The following SOCS6 variants were observed in gnomAD, a reference collection of about 807,000 sequenced individuals.
SOCS6 encodes the protein suppressor of cytokine signaling 6.
A neutral mutation model predicts 27.7 loss-of-function variants in SOCS6; 5 were observed. That is an observed-to-expected ratio of 0.18 (90% CI 0.09 to 0.38). The LOEUF is 0.38. SOCS6 is among the 10% of genes least tolerant of loss of function. SOCS6 has a pLI of 1.00. For missense variants in SOCS6, 595 were observed against 688.1 expected (o/e 0.86, Z 1.51); for synonymous variants, 271 against 260.0 (o/e 1.04, Z -0.41).
intron 1 of SOCS6, among the ~76,000 whole-genome samples, chr18:70,307,549 G>C (rs576220767): frequency 1.3e-5 from 2 of 152,218 alleles, no homozygotes; most frequent in South Asian, 4.1e-4. Flanking sequence ...TAGATTCTCT[G>C]TTTCCTTTTG....
rs1356818802 is a variant in SOCS6, at chr18:70,325,736, A to G, written c.1068A>G (p.Arg356=). 6.2e-7 allele frequency: 1 copy of G among 1,614,210 alleles called. No individual in the cohort carries two copies. Among genetic ancestry groups the G allele is most frequent in the East Asian group, 2.2e-5 (1 of 44,878 alleles). The stretch of plus-strand genomic sequence containing the variant: ...CGAACTCTGCTCCTGGGGTTGCAAG[A>G]GTTTATGACTCAGTGCAAAGTAGTG... ...FDPNSAPGVA[R]VYDSVQSSGP... is the part of the protein sequence containing the mutation. Residue 356 remains arginine, a synonymous_variant, in exon 2 of 2, where the codon AGA becomes AGG. Coordinates refer to ENST00000397942, the MANE Select transcript of SOCS6 (RefSeq NM_004232.4). The surrounding 1 kb of genome is among the most constrained non-coding windows in gnomAD (Gnocchi z 6.3).
chr18:70,308,546 G>T (rs547785091), intron 1 of SOCS6, among the ~76,000 whole-genome samples: 2 of 152,028 alleles, frequency 1.3e-5, no homozygotes, highest in African/African-American at 4.8e-5. Context: ...TGGTCTATCC[G>T]GAAAAATGAA....
intron 1 of SOCS6, among the ~76,000 whole-genome samples, chr18:70,317,773 C>T (rs913379633): frequency 6.6e-6 from 1 of 151,948 alleles, no homozygotes; most frequent in African/African-American, 2.4e-5. Context: ...TCCAGTTTTC[C>T]GTAGTGGTTC....
intron 1 of SOCS6, among the ~76,000 whole-genome samples, chr18:70,297,221 G>C (rs67569563): frequency 0.085 from 12,841 of 151,916 alleles, 607 homozygotes; most frequent in Middle Eastern, 0.18. Flanking sequence ...TTAGATTTTG[G>C]TTTACTCCAG....
At chr18:70,300,188 A>T (rs1026218584) in intron 1 of SOCS6, among the ~76,000 whole-genome samples, 3 of 151,830 alleles carry the variant, frequency 2.0e-5, no homozygotes, top group African/African-American at 7.3e-5. Context: ...GTGCAGTGGC[A>T]TGATCTTGAC....
chr18:70,307,363 A>C (rs922899617), intron 1 of SOCS6, among the ~76,000 whole-genome samples: 9 of 152,250 alleles, frequency 5.9e-5, no homozygotes, highest in African/African-American at 2.2e-4. Context: ...TACTGGCCTC[A>C]CAGAATGGCT....
At chr18:70,308,430 C>T (rs992324533) in intron 1 of SOCS6, among the ~76,000 whole-genome samples, 1 of 151,570 alleles carries the variant, frequency 6.6e-6, no homozygotes, top group Non-Finnish European at 1.5e-5. Flanking sequence ...CTATGCTGTC[C>T]AGGCTGGTTT....
chr18:70,323,860 C>T (rs2231551), intron 1 of SOCS6, among the ~76,000 whole-genome samples: 2,307 of 152,228 alleles, frequency 0.015, 58 homozygotes, highest in African/African-American at 0.052. Flanking sequence ...TGGCAGGCAG[C>T]GGAGGAGCAG....
In SOCS6 at chr18:70,329,981, G is replaced by A. The variant is rs1051976977; in HGVS notation, c.*3705G>A. ...AATTAATACTTGCAATTCAGATTGCGGTAGTTTACACTTTTTCTGTATGTT... is the reference window on the plus strand; with the variant it reads ...AATTAATACTTGCAATTCAGATTGCAGTAGTTTACACTTTTTCTGTATGTT... On this transcript the variant is annotated 3_prime_UTR_variant, in exon 2 of 2. Transcript: ENST00000397942. 6.0e-6 allele frequency: 1 copy of A among 166,964 alleles called. No homozygotes were observed. The highest frequency in any genetic ancestry group is 1.5e-5 in the Non-Finnish European group (1 of 68,090). 10.3% of individuals were successfully genotyped at this position (166,964 alleles called of 1,614,324 possible).
chr18:70,289,392 C>T (rs1426850083), intron 1 of SOCS6, among the ~76,000 whole-genome samples: 1 of 147,790 alleles, frequency 6.8e-6, no homozygotes, highest in African/African-American at 2.4e-5. Flanking sequence ...GCGGCGGCCC[C>T]TGAAGGGCCG....
chr18:70,324,656 G>A lies in SOCS6; in HGVS notation c.-13G>A. The A allele has an allele frequency of 6.6e-7, 1 of 1,513,432 alleles. No individual in the cohort carries two copies. Among genetic ancestry groups the A allele is most frequent in the Non-Finnish European group, 9.0e-7 (1 of 1,107,740 alleles). The allele number at this position is 1,513,432 out of a possible 1,614,324, so 93.8% of individuals were successfully genotyped here. On this transcript the variant is annotated 5_prime_UTR_variant, in exon 2 of 2. Transcript: ENST00000397942. Reference sequence around the variant, plus strand: ...TAGAAATATTGATCCCTTGGATTAGGTAACTAGTCATAATGAAGAAAATTA... The same window carrying A: ...TAGAAATATTGATCCCTTGGATTAGATAACTAGTCATAATGAAGAAAATTA...
At chr18:70,317,879 C>T (rs1226799671) in intron 1 of SOCS6, among the ~76,000 whole-genome samples, 3 of 152,162 alleles carry the variant, frequency 2.0e-5, no homozygotes, top group South Asian at 4.1e-4. Flanking sequence ...GGGCCCTACA[C>T]TCGGTCACCC....
At chr18:70,295,637 A>G (rs113394415) in intron 1 of SOCS6, among the ~76,000 whole-genome samples, 37 of 152,376 alleles carry the variant, frequency 2.4e-4, no homozygotes, top group African/African-American at 8.4e-4. Flanking sequence ...ATTATTGCCA[A>G]ATATCACAGA....
rs188853747 is a variant in SOCS6, at chr18:70,329,224, T to C, written c.*2948T>C. On this transcript the variant is annotated 3_prime_UTR_variant, in exon 2 of 2. Coordinates refer to ENST00000397942, the MANE Select transcript of SOCS6 (RefSeq NM_004232.4). The stretch of plus-strand genomic sequence containing the variant: ...TACTTGGTGCAATAATCTGAAAATT[T>C]AGAAGGTCAAAATATGTCACAGGAA... 1.2e-5 allele frequency: 2 copies of C among 167,178 alleles called. No homozygotes were observed. The highest frequency in any genetic ancestry group is 4.8e-5 in the African/African-American group (2 of 41,554). The allele number at this position is 167,178 out of a possible 1,614,324, so 10.4% of individuals were successfully genotyped here.
At chr18:70,310,468 G>GTTTTT (rs1306876861) in intron 1 of SOCS6, among the ~76,000 whole-genome samples, 5 of 104,612 alleles carry the variant, frequency 4.8e-5, no homozygotes, top group Non-Finnish European at 5.7e-5. Flanking sequence ...TTTTTGTGGG[G>GTTTTT]TTTTTTTTTT....
In SOCS6 at chr18:70,290,884, C is replaced by G. The variant is rs145827768; in HGVS notation, c.-127+1794C>G. Among the ~76,000 whole-genome samples the G allele has an allele frequency of 2.0e-5, 3 of 152,304 alleles. No individual in the cohort carries two copies. In the East Asian group the frequency reaches 5.8e-4, roughly 30 times the overall value. ...TTTCTCTTCAGCAGGGCCTCCCACC[C>G]AAGCGCACACCCTCGGGTCATCCCA... On this transcript the variant is annotated intron_variant, in intron 1 of 1. Coordinates refer to ENST00000397942, the MANE Select transcript of SOCS6 (RefSeq NM_004232.4).
At chr18:70,302,136 A>T (rs1481478149) in intron 1 of SOCS6, among the ~76,000 whole-genome samples, 2 of 152,070 alleles carry the variant, frequency 1.3e-5, no homozygotes, top group Non-Finnish European at 2.9e-5. Flanking sequence ...TGGAGTGGGG[A>T]AATTGTTGGG....
chr18:70,311,711 A>G (rs1391066654), intron 1 of SOCS6, among the ~76,000 whole-genome samples: 1 of 152,248 alleles, frequency 6.6e-6, no homozygotes, highest in Non-Finnish European at 1.5e-5. Context: ...ATATATACAA[A>G]TGAGATGATC....
chr18:70,308,793 C>G (rs1321378771), intron 1 of SOCS6, among the ~76,000 whole-genome samples: 1 of 152,000 alleles, frequency 6.6e-6, no homozygotes, highest in Non-Finnish European at 1.5e-5. Context: ...ATGTATTGAC[C>G]CTTTTATCAT....
Sources: gnomAD v4.1 joint callset for allele counts (sites outside exome capture counted in the v4.1 genomes callset) on GRCh38, gnomAD v4.1.1 for gene constraint, Gnocchi (gnomAD v3.1) non-coding constraint, MANE v1.5 for transcripts, NCBI Gene and HGNC (gene_info 2026-07-23, HGNC 2026-07-21) for gene names.